Variants in ACAN observed in about 807,000 individuals in gnomAD.
The protein encoded by ACAN is aggrecan, also known as aggrecan core protein.
In ACAN, 47 loss-of-function variants were observed where a neutral mutation model predicts 169.1. The observed-to-expected ratio is 0.28, with a 90% CI of 0.22 to 0.35. ACAN has a LOEUF of 0.35. Ranked by LOEUF, ACAN falls within the 10% of genes least tolerant of loss-of-function variation. ACAN has a pLI of 1.00. For synonymous variants in ACAN, 1,115 were observed against 1,112.2 expected, an observed-to-expected ratio of 1.00 and a Z score of -0.05; for missense variants, 2,716 against 2,759.9, an observed-to-expected ratio of 0.98 and a Z score of 0.36.
In ACAN at chr15:88,839,757, G is replaced by T. The variant is rs1288785149; in HGVS notation, c.455-255G>T. 6.6e-6 allele frequency among the ~76,000 whole-genome samples: 1 copy of T among 152,184 alleles called. No individual in the cohort carries two copies. The highest frequency in any genetic ancestry group is 2.4e-5 in the African/African-American group (1 of 41,446). On this transcript the variant is annotated intron_variant, in intron 3 of 18. Transcript: ENST00000560601. This position sits in a 1 kb window ranked among gnomAD's most constrained non-coding sequence, Gnocchi z 4.5. ...GAGGCAGATTTTAGTTTAATTCAAAGAACTTTCTCTTTATCAGTATTATCA... is the reference window on the plus strand; with the variant it reads ...GAGGCAGATTTTAGTTTAATTCAAATAACTTTCTCTTTATCAGTATTATCA...
Position 88,857,707 on chromosome 15 carries a change from G to C in ACAN, c.5122G>C (p.Gly1708Arg). Reference protein sequence around the residue: ...SELDISGRASGLPSGTELSGQ... With the variant: ...SELDISGRASRLPSGTELSGQ... ...GCTGGACATTAGTGGGAGAGCTAGTGGACTCCCTTCAGGAACTGAACTCAG... is the reference window on the plus strand; with the variant it reads ...GCTGGACATTAGTGGGAGAGCTAGTCGACTCCCTTCAGGAACTGAACTCAG... The change falls in exon 12 of 19, where the codon GGA (glycine) becomes CGA (arginine). Residue 1708 changes from glycine to arginine, a missense_variant. Physicochemically the swap from Gly to Arg is moderately radical, Grantham distance 125. Coordinates refer to ENST00000560601, the MANE Select transcript of ACAN (RefSeq NM_001369268.1). 1 of 1,614,010 alleles carries C rather than the reference G, an allele frequency of 6.2e-7. No individual in the cohort carries two copies.
chr15:88,847,380 C>A lies in ACAN; in HGVS notation c.1567C>A (p.Gln523Lys). 6.3e-7 allele frequency: 1 copy of A among 1,587,900 alleles called. No homozygotes were observed. ...LQAAYEAGYE[Q>K]CDAGWLRDQT... ...GGCCGCCTACGAAGCAGGCTATGAG[C>A]AGTGTGACGCCGGCTGGCTGCGGGA... The change falls in exon 8 of 19, where the codon CAG becomes AAG. Residue 523 changes from glutamine (Q) to lysine (K), a missense_variant. Gln to Lys is a moderately conservative substitution (Grantham distance 53). This residue lies in a region of ACAN where 1,283 missense variants were observed against 1,281.5 expected (regional missense o/e 1.00). Transcript: ENST00000560601.
rs961228261 is a variant in ACAN, at chr15:88,870,524, A to T, written c.7061-858A>T. Among the ~76,000 whole-genome samples the T allele has an allele frequency of 2.0e-5, 3 of 152,126 alleles. No homozygotes were observed. The highest frequency in any genetic ancestry group is 4.8e-5 in the African/African-American group (2 of 41,420). On this transcript the variant is annotated intron_variant, in intron 14 of 18. Transcript: ENST00000560601. The surrounding 1 kb of genome is among the most constrained non-coding windows in gnomAD (Gnocchi z 6.3). ...CCGGGGCCAGTTTAAAGCTATCAAC[A>T]TGATGTCACTGAAGGCGAGGTTGAG...
chr15:88,870,936 C>T lies in ACAN; in HGVS notation c.7061-446C>T, dbSNP rs371890180. On this transcript the variant is annotated intron_variant, in intron 14 of 18. Coordinates refer to ENST00000560601, the MANE Select transcript of ACAN (RefSeq NM_001369268.1). This position sits in a 1 kb window ranked among gnomAD's most constrained non-coding sequence, Gnocchi z 6.3. ...CTGCCAGCTCCGCTCCATGCCCCAGCGCTACCAGCTTCCACTGCCTCCACA... is the reference window on the plus strand; with the variant it reads ...CTGCCAGCTCCGCTCCATGCCCCAGTGCTACCAGCTTCCACTGCCTCCACA... Among the ~76,000 whole-genome samples, 18 of 152,220 alleles carry T rather than the reference C, an allele frequency of 1.2e-4. No homozygotes were observed. Among genetic ancestry groups the T allele is most frequent in the Non-Finnish European group, 2.4e-4 (16 of 68,040 alleles).
chr15:88,820,478 G>C (rs956040064), intron 1 of ACAN, among the ~76,000 whole-genome samples: 2 of 152,116 alleles, frequency 1.3e-5, no homozygotes, highest in African/African-American at 2.4e-5. Flanking sequence ...AATCTTGGAG[G>C]CCTCTTCAGA....
chr15:88,872,967 C>A lies in ACAN; in HGVS notation c.7389C>A (p.Gly2463=). ...DCVVMIWHEK[G]EWNDVPCNYH... is the part of the protein sequence containing the mutation. ...TGGTGATGATCTGGCACGAGAAGGG[C>A]GAGTGGAATGATGTTCCCTGCAATT... is the stretch of plus-strand genomic sequence containing the variant. The change falls in exon 17 of 19, where the codon GGC becomes GGA. Residue 2463 remains glycine, a synonymous_variant. Coordinates refer to ENST00000560601, the MANE Select transcript of ACAN (RefSeq NM_001369268.1). This position sits in a 1 kb window ranked among gnomAD's most constrained non-coding sequence, Gnocchi z 5.4. The A allele has an allele frequency of 6.2e-7, 1 of 1,613,810 alleles. No individual in the cohort carries two copies.
In ACAN at chr15:88,871,876, G is replaced by T. The variant is rs372227634; in HGVS notation, c.7220-127G>T. 2.3e-6 allele frequency: 2 copies of T among 864,052 alleles called. No homozygotes were observed. Among genetic ancestry groups the T allele is most frequent in the East Asian group, 2.5e-5 (1 of 39,662 alleles). 53.5% of individuals were successfully genotyped at this position (864,052 alleles called of 1,614,324 possible). A position where few individuals can be genotyped will look rare whatever the true frequency, so the allele number is the denominator to read the frequency against. On this transcript the variant is annotated intron_variant, in intron 15 of 18. Transcript: ENST00000560601. The surrounding 1 kb of genome is among the most constrained non-coding windows in gnomAD (Gnocchi z 7.8). ...CCTCTTGTGAGGACCTGAGAAGCAC[G>T]TGCCTTGCTCCTAGGAGCCCACCCA...
At chr15:88,820,153 T>A (rs574670481) in intron 1 of ACAN, among the ~76,000 whole-genome samples, 1 of 152,300 alleles carries the variant, frequency 6.6e-6, no homozygotes, top group East Asian at 1.9e-4. Context: ...ATATATGCAA[T>A]TTTTAAAGGA....
chr15:88,817,054 C>A (rs1047070838), intron 1 of ACAN, among the ~76,000 whole-genome samples: 1 of 152,210 alleles, frequency 6.6e-6, no homozygotes, highest in Admixed American at 6.5e-5. Flanking sequence ...AGCCCTTTGG[C>A]TTTACATAAA....
In ACAN at chr15:88,859,429, T is replaced by A; in HGVS notation, c.6832+12T>A. ...ATCAACTGCTGCAGGTATTGTGATT[T>A]TTTCCCCCTTTAAATGTGCTTAGGT... On this transcript the variant is annotated intron_variant, in intron 12 of 18. Coordinates refer to ENST00000560601, the MANE Select transcript of ACAN (RefSeq NM_001369268.1). The A allele has an allele frequency of 1.3e-6, 2 of 1,552,204 alleles. No individual in the cohort carries two copies. The highest frequency in any genetic ancestry group is 2.4e-5 in the South Asian group (2 of 84,106).
chr15:88,837,762 G>T lies in ACAN; in HGVS notation c.71-901G>T, dbSNP rs551813957. On this transcript the variant is annotated intron_variant, in intron 2 of 18. Coordinates refer to ENST00000560601, the MANE Select transcript of ACAN (RefSeq NM_001369268.1). The stretch of plus-strand genomic sequence containing the variant: ...AAGGCCTGGACTCTAAGCATTCCTC[G>T]CTCCCCTCCCCTTGCCCTGTGATGT... Among the ~76,000 whole-genome samples the T allele has an allele frequency of 3.9e-5, 6 of 152,150 alleles. No individual in the cohort carries two copies. In the South Asian group the frequency reaches 1.2e-3, roughly 32 times the overall value.
chr15:88,817,303 G>A (rs1347773869), intron 1 of ACAN, among the ~76,000 whole-genome samples: 2 of 152,070 alleles, frequency 1.3e-5, no homozygotes, highest in African/African-American at 2.4e-5. Context: ...CACCACGCCC[G>A]ACTAATTTTT....
At position 88,858,199 on chromosome 15, in the gene ACAN, G is replaced by A. The variant is rs768274558; in HGVS notation, c.5614G>A (p.Val1872Met). 1.5e-5 allele frequency: 24 copies of A among 1,613,822 alleles called. No individual in the cohort carries two copies. The highest frequency in any genetic ancestry group is 2.0e-5 in the Non-Finnish European group (24 of 1,179,902). ...EADLSGKSGM[V>M]DVSGQFSGTV... Reference sequence around the variant, plus strand: ...AGATCTGTCAGGCAAATCTGGGATGGTGGATGTCAGTGGACAGTTTTCTGG... The same window carrying A: ...AGATCTGTCAGGCAAATCTGGGATGATGGATGTCAGTGGACAGTTTTCTGG... The change falls in exon 12 of 19, where the codon GTG becomes ATG. Residue 1872 changes from valine (V) to methionine (M), a missense_variant. Physicochemically the swap from Val to Met is conservative, Grantham distance 21. Transcript: ENST00000560601. The surrounding 1 kb of genome is among the most constrained non-coding windows in gnomAD (Gnocchi z 4.0).
intron 1 of ACAN, among the ~76,000 whole-genome samples, chr15:88,833,140 G>A (rs1363281660): frequency 6.6e-6 from 1 of 152,198 alleles, no homozygotes; most frequent in East Asian, 1.9e-4. Flanking sequence ...TGGCCAGGTA[G>A]ACAACCATGG....
intron 13 of ACAN, among the ~76,000 whole-genome samples, chr15:88,865,936 T>C (rs1255660444): frequency 6.6e-6 from 1 of 152,144 alleles, no homozygotes; most frequent in Non-Finnish European, 1.5e-5. Context: ...CTACCCTGAC[T>C]GCAAACACAG....
At position 88,857,006 on chromosome 15, in the gene ACAN, G is replaced by A. The variant is rs1897065721; in HGVS notation, c.4421G>A (p.Gly1474Glu). 3 of 1,613,318 alleles carry A rather than the reference G, an allele frequency of 1.9e-6. No individual in the cohort carries two copies. Among genetic ancestry groups the A allele is most frequent in the Middle Eastern group, 1.7e-4 (1 of 6,060 alleles). The change falls in exon 12 of 19, where the codon GGA (glycine) becomes GAA (glutamate). Residue 1474 changes from glycine to glutamate, a missense_variant. Coordinates refer to ENST00000560601, the MANE Select transcript of ACAN (RefSeq NM_001369268.1). ...VGDLSGLPSG[G>E]EVLEISVSGV... ...GACCTCAGTGGACTTCCTTCTGGAGGAGAAGTTCTAGAGATTTCTGTCTCT... is the reference window on the plus strand; with the variant it reads ...GACCTCAGTGGACTTCCTTCTGGAGAAGAAGTTCTAGAGATTTCTGTCTCT...
In ACAN at chr15:88,855,213, T is replaced by C; in HGVS notation, c.2628T>C (p.Val876=). ...VSGDFTGSGD[V]SGHLDFSGQL... ...GTGACTTCACAGGCAGTGGAGATGT[T>C]TCAGGACACCTTGACTTCAGTGGGC... is the stretch of plus-strand genomic sequence containing the variant. Residue 876 remains valine, a synonymous_variant, in exon 12 of 19, where the codon GTT becomes GTC. Transcript: ENST00000560601. The C allele has an allele frequency of 6.2e-7, 1 of 1,604,328 alleles. No individual in the cohort carries two copies.
rs78523879 is a variant in ACAN, at chr15:88,857,340, C to T, written c.4755C>T (p.Asp1585=). The change falls in exon 12 of 19, where the codon GAC becomes GAT. Residue 1585 remains aspartate (D), a synonymous_variant. Transcript: ENST00000560601. ...GLETSASGAE[D]LSGLPSGKED... is the part of the protein sequence containing the mutation. ...AGACTTCAGCTTCTGGAGCTGAGGA[C>T]CTCAGTGGGTTGCCTTCTGGAAAAG... The T allele has an allele frequency of 4.2e-3, 6,712 of 1,613,902 alleles. 163 individuals are homozygous for T. The Admixed American group carries it at 0.061, about 15-fold the overall frequency.
intron 9 of ACAN, among the ~76,000 whole-genome samples, chr15:88,848,483 G>C (rs1336926496): frequency 6.6e-6 from 1 of 152,204 alleles, no homozygotes; most frequent in Non-Finnish European, 1.5e-5. Context: ...TTGAGAGGCA[G>C]AGGTGCCTCA....
Sources: gnomAD v4.1 joint callset for allele counts (sites outside exome capture counted in the v4.1 genomes callset) on GRCh38, gnomAD v4.1.1 for gene constraint, gnomAD v4.1.1 regional missense constraint, Gnocchi (gnomAD v3.1) non-coding constraint, MANE v1.5 for transcripts, NCBI Gene and HGNC (gene_info 2026-07-23, HGNC 2026-07-21) for gene names.